NSG2: variants seen among roughly 807,000 people sequenced by gnomAD.
NSG2 encodes neuronal vesicle trafficking associated 2, also known as neuronal vesicle trafficking-associated protein 2.
In NSG2, 4 loss-of-function variants were observed where a neutral mutation model predicts 16.9. The observed-to-expected ratio is 0.24, with a 90% CI of 0.12 to 0.54. The LOEUF (loss-of-function observed/expected upper bound fraction) is 0.54, where lower values mean the gene tolerates loss of function less well. NSG2 is among the 20% of genes least tolerant of loss of function. NSG2 has a pLI of 0.95. For synonymous variants in NSG2, 98 were observed against 88.7 expected, an observed-to-expected ratio of 1.11 and a Z score of -0.59; for missense variants, 179 against 221.1, an observed-to-expected ratio of 0.81 and a Z score of 1.21.
At chr5:174,103,370 A>C (rs558252240) in intron 3 of NSG2, among the ~76,000 whole-genome samples, 3 of 152,182 alleles carry the variant, frequency 2.0e-5, no homozygotes, top group Non-Finnish European at 4.4e-5. Flanking sequence ...AGTGACTGCA[A>C]ATGTGAAATT....
chr5:174,105,600 A>C (rs1206208742), intron 4 of NSG2, among the ~76,000 whole-genome samples: 2 of 152,012 alleles, frequency 1.3e-5, no homozygotes, highest in East Asian at 1.9e-4. Context: ...CTTAGAATAC[A>C]CTCCACCAAG....
At chr5:174,100,237 G>A (rs1177647114) in intron 3 of NSG2, among the ~76,000 whole-genome samples, 1 of 152,230 alleles carries the variant, frequency 6.6e-6, no homozygotes, top group Non-Finnish European at 1.5e-5. Context: ...GGACACCCCA[G>A]CAAGTGTCAG....
chr5:174,052,910 G>T (rs1759915000), intron 2 of NSG2, among the ~76,000 whole-genome samples: 1 of 152,206 alleles, frequency 6.6e-6, no homozygotes, highest in South Asian at 2.1e-4. Flanking sequence ...CTGCTGCTGC[G>T]CTCTGGGCAA....
chr5:174,098,672 G>A (rs1561675481), intron 3 of NSG2, among the ~76,000 whole-genome samples: 1 of 152,108 alleles, frequency 6.6e-6, no homozygotes, highest in Non-Finnish European at 1.5e-5. Context: ...TTGGTGAATT[G>A]CTCATTGAAT....
At chr5:174,104,418 C>A in intron 4 of NSG2, 80 bp downstream of exon 4, 1 of 1,002,652 alleles carries the variant, frequency 1.0e-6, no homozygotes, top group Non-Finnish European at 1.6e-6. Flanking sequence ...CACTGGTGTC[C>A]AAATTCTGGG....
At chr5:174,084,656 AAAG>A (rs1483812339) in intron 3 of NSG2, among the ~76,000 whole-genome samples, 1 of 152,214 alleles carries the variant, frequency 6.6e-6, no homozygotes, top group East Asian at 1.9e-4. Context: ...ATAGCCCCTC[AAAG>A]AAGAGCTTTG....
At chr5:174,069,531 C>A (rs952591434) in intron 3 of NSG2, among the ~76,000 whole-genome samples, 2 of 152,204 alleles carry the variant, frequency 1.3e-5, no homozygotes, top group African/African-American at 4.8e-5. Context: ...AATCTCTCCA[C>A]TCCCAAGTTC....
At position 174,086,513 on chromosome 5, in the gene NSG2, C is replaced by T. The variant is rs147539064; in HGVS notation, c.214-17715C>T. 260 of 152,310 alleles carry T rather than the reference C, an allele frequency of 1.7e-3. 1 individual carries two copies. Among genetic ancestry groups the T allele is most frequent in the African/African-American group, 5.9e-3 (245 of 41,556 alleles). The allele number at this position is 152,310 out of a possible 1,614,324, so 9.4% of individuals were successfully genotyped here. A position where few individuals can be genotyped will look rare whatever the true frequency, so the allele number is the denominator to read the frequency against. On this transcript the variant is annotated intron_variant, in intron 3 of 4. Transcript: ENST00000303177. The stretch of plus-strand genomic sequence containing the variant: ...AATGAGGCAGGTTCCCTCTAGGTCC[C>T]GAGCATGCCACAGCAGCCTTCTTCA...
chr5:174,084,557 A>G (rs780603442), intron 3 of NSG2, among the ~76,000 whole-genome samples: 2 of 152,196 alleles, frequency 1.3e-5, no homozygotes, highest in South Asian at 2.1e-4. Context: ...AGAGCATTCC[A>G]TGCTCTCTGC....
chr5:174,078,817 C>G (rs1404189780), intron 3 of NSG2, among the ~76,000 whole-genome samples: 1 of 152,172 alleles, frequency 6.6e-6, no homozygotes, highest in Non-Finnish European at 1.5e-5. Flanking sequence ...ATCCCAGATA[C>G]CAAATCTCCT....
At chr5:174,084,754 G>A (rs949980122) in intron 3 of NSG2, among the ~76,000 whole-genome samples, 7 of 152,208 alleles carry the variant, frequency 4.6e-5, no homozygotes, top group Non-Finnish European at 1.0e-4. Context: ...GGTCACAGTT[G>A]AATAAGCACA....
chr5:174,106,751 T>C (rs1760988309), intron 4 of NSG2, among the ~76,000 whole-genome samples: 2 of 151,902 alleles, frequency 1.3e-5, no homozygotes, highest in Admixed American at 1.3e-4. Context: ...TGCACCACCA[T>C]GCCCAGCTAT....
At chr5:174,068,079 A>G (rs1371286161) in intron 3 of NSG2, among the ~76,000 whole-genome samples, 1 of 152,164 alleles carries the variant, frequency 6.6e-6, no homozygotes, top group East Asian at 1.9e-4. Flanking sequence ...GCTGTTACAC[A>G]GTCACTGGGT....
intron 2 of NSG2, chr5:174,062,456 T>G (rs58262403): frequency 0.16 from 23,919 of 152,144 alleles, 2,462 homozygotes; most frequent in African/African-American, 0.29. Flanking sequence ...TTTGGCCTAG[T>G]GGGTAGGAAG....
chr5:174,046,234 G>A (rs1168463678), intron 1 of NSG2: 1 of 152,814 alleles, frequency 6.5e-6, no homozygotes, highest in African/African-American at 2.4e-5. Context: ...CACATATGAT[G>A]TAACAGGGTA....
In NSG2 at chr5:174,104,250, C is replaced by T; in HGVS notation, c.236C>T (p.Ala79Val). 1 of 1,614,092 alleles carries T rather than the reference C, an allele frequency of 6.2e-7. No homozygotes were observed. Among genetic ancestry groups the T allele is most frequent in the South Asian group, 1.1e-5 (1 of 91,072 alleles). The change falls in exon 4 of 5, where the codon GCC becomes GTC. Residue 79 changes from alanine to valine, a missense_variant. Transcript: ENST00000303177. ...CAGGTCACCATCCTTGTCAGCCTGG[C>T]CCTAGCTTTCCTTGCGTGCATCGTG... Reference protein sequence around the residue: ...EFTVTILVSLALAFLACIVFL... With the variant: ...EFTVTILVSLVLAFLACIVFL...
chr5:174,093,129 C>T (rs1467559226), intron 3 of NSG2, among the ~76,000 whole-genome samples: 1 of 152,092 alleles, frequency 6.6e-6, no homozygotes, highest in Non-Finnish European at 1.5e-5. Context: ...CTCACCCTGC[C>T]CCTCACATAT....
At chr5:174,095,502 C>G (rs1186497111) in intron 3 of NSG2, among the ~76,000 whole-genome samples, 2 of 152,178 alleles carry the variant, frequency 1.3e-5, no homozygotes, top group Non-Finnish European at 2.9e-5. Context: ...TGTGGCTTCT[C>G]TTCTTTCTGT....
At chr5:174,065,083 C>G (rs1229285033) in intron 3 of NSG2, among the ~76,000 whole-genome samples, 1 of 151,924 alleles carries the variant, frequency 6.6e-6, no homozygotes, top group African/African-American at 2.4e-5. Flanking sequence ...AATCCCAGCA[C>G]TTTGGGAGGC....
Sources: gnomAD v4.1 joint callset for allele counts (sites outside exome capture counted in the v4.1 genomes callset) on GRCh38, gnomAD v4.1.1 for gene constraint, MANE v1.5 for transcripts, NCBI Gene and HGNC (gene_info 2026-07-23, HGNC 2026-07-21) for gene names.